Variants in NF1 observed in about 807,000 individuals in gnomAD.
The protein encoded by NF1 is neurofibromin.
Under a neutral mutation model 325.7 loss-of-function variants are expected in NF1, and 122 were observed. The ratio of observed to expected loss-of-function variants is 0.37; its 90% CI spans 0.32 to 0.44. The LOEUF (loss-of-function observed/expected upper bound fraction) is 0.44, where lower values mean the gene tolerates loss of function less well. Among genes scored for constraint, NF1 ranks in the 20% least tolerant of loss-of-function variants. The pLI, the probability that NF1 is intolerant of heterozygous loss-of-function variation, is 1.00. For missense variants in NF1, 2,140 were observed against 3,415.4 expected (o/e 0.63, Z 9.31); for synonymous variants, 1,091 against 1,186.0 (o/e 0.92, Z 1.65).
intron 13 of NF1, among the ~76,000 whole-genome samples, chr17:31,217,300 G>C (rs1355800664): frequency 8.3e-6 from 1 of 119,994 alleles, no homozygotes; most frequent in Non-Finnish European, 1.7e-5. Flanking sequence ...AGTTGCATTG[G>C]CTTCATATAT....
At chr17:31,115,048 A>G (rs749930167) in intron 1 of NF1, among the ~76,000 whole-genome samples, 3 of 152,228 alleles carry the variant, frequency 2.0e-5, no homozygotes, top group Admixed American at 6.5e-5. Flanking sequence ...ACCTAGTAAT[A>G]GGACTGAATT....
chr17:31,371,350 T>G (rs1213931915), intron 57 of NF1, among the ~76,000 whole-genome samples: 1 of 152,074 alleles, frequency 6.6e-6, no homozygotes, highest in Non-Finnish European at 1.5e-5. Flanking sequence ...GACAGAATAA[T>G]GCATCATGAA....
intron 8 of NF1, among the ~76,000 whole-genome samples, chr17:31,193,559 T>C (rs1173429882): frequency 1.3e-5 from 2 of 152,150 alleles, no homozygotes; most frequent in African/African-American, 4.8e-5. Context: ...AGGAAACAAT[T>C]GGCAGAGTGA....
At chr17:31,219,520 A>G (rs769424734) in intron 14 of NF1, among the ~76,000 whole-genome samples, 1 of 151,914 alleles carries the variant, frequency 6.6e-6, no homozygotes, top group Non-Finnish European at 1.5e-5. Context: ...TTTAGGTTAC[A>G]TGCGCACAAT....
chr17:31,279,160 TC>T (rs1484647347), intron 36 of NF1, among the ~76,000 whole-genome samples: 6 of 152,066 alleles, frequency 3.9e-5, no homozygotes, highest in Non-Finnish European at 8.8e-5. Context: ...GGCAAGTAGA[TC>T]GCCTGACCCC....
intron 36 of NF1, among the ~76,000 whole-genome samples, chr17:31,267,680 T>G (rs2067816118): frequency 6.6e-6 from 1 of 152,196 alleles, no homozygotes; most frequent in Non-Finnish European, 1.5e-5. Context: ...AAGTAATGCT[T>G]TTTGAATTGT....
chr17:31,192,201 A>T (rs1382862396), intron 8 of NF1, among the ~76,000 whole-genome samples: 2 of 152,228 alleles, frequency 1.3e-5, no homozygotes, highest in Non-Finnish European at 2.9e-5. Flanking sequence ...AACTCTATAA[A>T]ATATTTTAAG....
intron 8 of NF1, among the ~76,000 whole-genome samples, chr17:31,191,778 C>T (rs764950312): frequency 2.2e-4 from 34 of 152,052 alleles, no homozygotes; most frequent in Non-Finnish European, 4.6e-4. Context: ...CATTAATTTT[C>T]CAAATGAGAG....
At chr17:31,326,273 T>G (rs773115831) in intron 37 of NF1, 21 bp downstream of exon 37, 1 of 1,601,242 alleles carries the variant, frequency 6.2e-7, no homozygotes, top group Non-Finnish European at 8.5e-7. Context: ...GTCTGTGTTT[T>G]GTAAACGATT....
chr17:31,317,401 A>ACACACACACC (rs2069050840), intron 36 of NF1, among the ~76,000 whole-genome samples: 1 of 149,320 alleles, frequency 6.7e-6, no homozygotes, highest in Non-Finnish European at 1.5e-5. Context: ...ACACACACAC[A>ACACACACACC]CACCCCTAAT....
At chr17:31,181,870 A>C in intron 7 of NF1, 85 bp downstream of exon 7, 1 of 965,748 alleles carries the variant, frequency 1.0e-6, no homozygotes. Context: ...TTTCCAAGTT[A>C]TTTTTGTTAT....
At chr17:31,154,973 G>A (rs780761285) in intron 1 of NF1, among the ~76,000 whole-genome samples, 2 of 151,948 alleles carry the variant, frequency 1.3e-5, no homozygotes, top group African/African-American at 2.4e-5. Flanking sequence ...TCCTGACCTC[G>A]TGGTCTGCCT....
At chr17:31,353,162 G>A (rs141252640) in intron 51 of NF1, among the ~76,000 whole-genome samples, 1 of 152,260 alleles carries the variant, frequency 6.6e-6, no homozygotes, top group African/African-American at 2.4e-5. Flanking sequence ...ACCCTCCTCG[G>A]CCTCCCAAAG....
At chr17:31,181,387 CTAGAGT>C (rs2066129826) in intron 5 of NF1, 29 bp from the exon 6 acceptor site, 1 of 1,563,698 alleles carries the variant, frequency 6.4e-7, no homozygotes, top group Admixed American at 1.7e-5. Flanking sequence ...TTAACTTATT[CTAGAGT>C]TAATTTTTAA....
chr17:31,126,267 C>T (rs572898002), intron 1 of NF1, among the ~76,000 whole-genome samples: 3 of 152,274 alleles, frequency 2.0e-5, no homozygotes, highest in African/African-American at 7.2e-5. Context: ...ATTTCCTTGA[C>T]TACCAATGAG....
At position 31,326,423 on chromosome 17, in the gene NF1, AG is replaced by A. The variant is rs1487321960; in HGVS notation, c.5268+172del. 2.6e-5 allele frequency among the ~76,000 whole-genome samples: 4 copies of A among 152,316 alleles called. No homozygotes were observed. The South Asian group carries it at 8.3e-4, about 32-fold the overall frequency. On this transcript the variant is annotated intron_variant, in intron 37 of 57. Transcript: ENST00000358273. ...AGCACTTTGGGATGTCAAGGTGGGC[AG>A]ATCACGTGAGGTCAGGAGTTCAAGA...
chr17:31,348,990 A>G lies in NF1; in HGVS notation c.7190-130A>G, dbSNP rs921749075. 1.3e-5 allele frequency: 15 copies of G among 1,163,628 alleles called. No homozygotes were observed. In the African/African-American group the frequency reaches 1.5e-4, roughly 12 times the overall value. The allele number at this position is 1,163,628 out of a possible 1,614,324, so 72.1% of individuals were successfully genotyped here. A position where few individuals can be genotyped will look rare whatever the true frequency, so the allele number is the denominator to read the frequency against. On this transcript the variant is annotated intron_variant, in intron 48 of 57. Transcript: ENST00000358273. ...GCATGTTTTACCTTCCCAAATGGCT[A>G]TTCTTGGAAAGTAGGAGTTATATTT...
chr17:31,157,152 A>G (rs2065678601), intron 2 of NF1, among the ~76,000 whole-genome samples: 1 of 151,946 alleles, frequency 6.6e-6, no homozygotes, highest in African/African-American at 2.4e-5. Flanking sequence ...ATGCTCGGCT[A>G]ATTTTTTTGT....
chr17:31,236,317 C>G (rs913461283), intron 29 of NF1, among the ~76,000 whole-genome samples: 1 of 152,114 alleles, frequency 6.6e-6, no homozygotes, highest in African/African-American at 2.4e-5. Flanking sequence ...CATGCATTTA[C>G]ATATTCATAT....
Sources: gnomAD v4.1 joint callset for allele counts (sites outside exome capture counted in the v4.1 genomes callset) on GRCh38, gnomAD v4.1.1 for gene constraint, MANE v1.5 for transcripts, NCBI Gene and HGNC (gene_info 2026-07-23, HGNC 2026-07-21) for gene names.